GUCY2D: variants seen among roughly 807,000 people sequenced by gnomAD.
GUCY2D encodes the protein retinal guanylyl cyclase 1.
GUCY2D carries 70 observed loss-of-function variants against 101.3 expected under a neutral mutation model. The ratio of observed to expected loss-of-function variants is 0.69; its 90% confidence interval spans 0.57 to 0.84. GUCY2D has a LOEUF of 0.84. Ranked by LOEUF, GUCY2D falls within the 40% of genes least tolerant of loss-of-function variation. The pLI is 0.00. For synonymous variants in GUCY2D, 688 were observed against 670.7 expected, an observed-to-expected ratio of 1.03 and a Z score of -0.40; for missense variants, 1,460 against 1,542.5, an observed-to-expected ratio of 0.95 and a Z score of 0.90.
chr17:8,003,137 C>T lies in GUCY2D; in HGVS notation c.90C>T (p.Pro30=). The T allele has an allele frequency of 6.6e-7, 1 of 1,511,268 alleles. No individual in the cohort carries two copies. Among genetic ancestry groups the T allele is most frequent in the South Asian group, 1.2e-5 (1 of 80,888 alleles). The allele number at this position is 1,511,268 out of a possible 1,614,324, so 93.6% of individuals were successfully genotyped here. Residue 30 remains proline (P), a synonymous_variant, in exon 2 of 20, where the codon CCC becomes CCT. Transcript: ENST00000254854. ...GGGCTCCGTCCCTGCCCCGCCTCCC[C>T]CGGGCCCTGCCCCGGCTCCCGCTCC... The part of the protein sequence containing the change: ...AWWAPSLPRL[P]RALPRLPLLL...
chr17:8,003,329 C>T lies in GUCY2D; in HGVS notation c.282C>T (p.Pro94=), dbSNP rs1975669520. ...LNRDPGLAGG[P]RFEVALLPEP... ...GCGACCCCGGCCTGGCAGGCGGTCC[C>T]CGCTTCGAGGTAGCGCTGCTGCCCG... The change falls in exon 2 of 20, where the codon CCC becomes CCT. Residue 94 remains proline, a synonymous_variant. Transcript: ENST00000254854. 1.3e-6 allele frequency: 2 copies of T among 1,483,028 alleles called. No individual in the cohort carries two copies. The highest frequency in any genetic ancestry group is 1.8e-6 in the Non-Finnish European group (2 of 1,123,674). 91.9% of individuals were successfully genotyped at this position (1,483,028 alleles called of 1,614,324 possible). A position where few individuals can be genotyped will look rare whatever the true frequency, so the allele number is the denominator to read the frequency against.
In GUCY2D at chr17:8,006,353, CCTT is replaced by C. The variant is rs760494327; in HGVS notation, c.1027-7_1027-5del. On this transcript the variant is annotated splice_polypyrimidine_tract_variant and splice_region_variant and intron_variant, in intron 3 of 19. Coordinates refer to ENST00000254854, the MANE Select transcript of GUCY2D (RefSeq NM_000180.4). ...ACCCCGACCTCTGAGCCCCTACTCT[CCTT>C]CTCCAGGTCTCCCCACTCTTTGGCA... The C allele has an allele frequency of 1.9e-6, 3 of 1,596,964 alleles. No individual in the cohort carries two copies. The highest frequency in any genetic ancestry group is 2.5e-6 in the Non-Finnish European group (3 of 1,177,262).
intron 18 of GUCY2D, 32 bp from the exon 19 acceptor site, chr17:8,016,411 C>T (rs1975977299): frequency 1.3e-6 from 2 of 1,510,746 alleles, no homozygotes; most frequent in East Asian, 2.4e-5. Context: ...GCCCCATTCC[C>T]CTTCCCTGAG....
At chr17:8,012,712 A>C in intron 10 of GUCY2D, 106 bp downstream of exon 10, 1 of 890,498 alleles carries the variant, frequency 1.1e-6, no homozygotes, top group Non-Finnish European at 1.8e-6. Context: ...TTCATCCCAC[A>C]TCCACCAGAC....
intron 18 of GUCY2D, 50 bp from the exon 19 acceptor site, chr17:8,016,393 C>G (rs546016309): frequency 7.0e-7 from 1 of 1,430,854 alleles, no homozygotes; most frequent in Admixed American, 2.0e-5. Context: ...TGGGCCCTGC[C>G]CTCCCACGCC....
chr17:8,014,585 T>C lies in GUCY2D; in HGVS notation c.2413-16T>C. On this transcript the variant is annotated splice_polypyrimidine_tract_variant and intron_variant, in intron 12 of 19. Coordinates refer to ENST00000254854, the MANE Select transcript of GUCY2D (RefSeq NM_000180.4). This position sits in a 1 kb window ranked among gnomAD's most constrained non-coding sequence, Gnocchi z 4.0. ...CCAGGTCTTCAGCAGCTTTACCAGC[T>C]TCCTTCTACTGCTAGTTCAAGAACA... 2 of 1,613,848 alleles carry C rather than the reference T, an allele frequency of 1.2e-6. No individual in the cohort carries two copies. Among genetic ancestry groups the C allele is most frequent in the Non-Finnish European group, 1.7e-6 (2 of 1,179,812 alleles).
rs769069042 is a variant in GUCY2D, at chr17:8,014,045, G to A, written c.2412+17G>A. 5 of 1,609,140 alleles carry A rather than the reference G, an allele frequency of 3.1e-6. No homozygotes were observed. The highest frequency in any genetic ancestry group is 4.5e-5 in the East Asian group (2 of 44,876). ...TTCGACCTGGTCAGGGGCTGGGAGT[G>A]GGCAAGGACTGGGCTGGCCTCTGGG... On this transcript the variant is annotated intron_variant, in intron 12 of 19. Coordinates refer to ENST00000254854, the MANE Select transcript of GUCY2D (RefSeq NM_000180.4). This position sits in a 1 kb window ranked among gnomAD's most constrained non-coding sequence, Gnocchi z 4.0.
rs1380266915 is a variant in GUCY2D, at chr17:8,003,461, G to A, written c.414G>A (p.Leu138=). 4 of 1,521,964 alleles carry A rather than the reference G, an allele frequency of 2.6e-6. No homozygotes were observed. Among genetic ancestry groups the A allele is most frequent in the Non-Finnish European group, 2.6e-6 (3 of 1,141,400 alleles). The allele number at this position is 1,521,964 out of a possible 1,614,324, so 94.3% of individuals were successfully genotyped here. Residue 138 remains leucine (L), a synonymous_variant, in exon 2 of 20, where the codon CTG becomes CTA. Transcript: ENST00000254854. The part of the protein sequence containing the change: ...VNPAACRPAE[L]LAEEAGIALV... ...CTGCGGCCTGCCGGCCAGCCGAGCT[G>A]CTCGCCGAAGAAGCCGGGATCGCGC...
chr17:8,015,661 G>T lies in GUCY2D; in HGVS notation c.2945-82G>T. ...TTTGGGGGGCTGGTGGAGATAATGG[G>T]TGCGAAGATCCCCCGAGGCCCTACC... On this transcript the variant is annotated intron_variant, in intron 15 of 19. Transcript: ENST00000254854. 3.3e-6 allele frequency: 4 copies of T among 1,221,376 alleles called. No individual in the cohort carries two copies. In the South Asian group the frequency reaches 5.2e-5, roughly 16 times the overall value. The allele number at this position is 1,221,376 out of a possible 1,614,324, so 75.7% of individuals were successfully genotyped here.
At chr17:8,020,089 C>CTTTTTTTT (rs57273310) in intron 19 of GUCY2D, 39 bp from the exon 20 acceptor site, 12 of 84,318 alleles carry the variant, frequency 1.4e-4, no homozygotes, top group South Asian at 5.0e-4. Flanking sequence ...CACCTGGCGC[C>CTTTTTTTT]TTTTTTTTTT....
In GUCY2D at chr17:8,004,106, C is replaced by A; in HGVS notation, c.976C>A (p.Arg326Ser). ...PSEGSVLDSL[R>S]RAQERRELPS... ...TGAAGGCAGCGTGCTGGACAGCCTG[C>A]GCAGGGCTCAAGAGCGCCGCGAGCT... The change falls in exon 3 of 20, where the codon CGC (arginine) becomes AGC (serine). Residue 326 changes from arginine (R) to serine (S), a missense_variant. Arg to Ser is a moderately radical substitution (Grantham distance 110). Transcript: ENST00000254854. 1.2e-6 allele frequency: 2 copies of A among 1,601,944 alleles called. No individual in the cohort carries two copies. Among genetic ancestry groups the A allele is most frequent in the Non-Finnish European group, 1.7e-6 (2 of 1,179,562 alleles).
In GUCY2D at chr17:8,006,557, G is replaced by A. The variant is rs768284541; in HGVS notation, c.1221G>A (p.Thr407=). The A allele has an allele frequency of 3.1e-6, 5 of 1,613,144 alleles. No homozygotes were observed. Among genetic ancestry groups the A allele is most frequent in the Non-Finnish European group, 4.2e-6 (5 of 1,180,032 alleles). ...AGCCCCCATTCGTGCTGCTAGACACGGACGCGGCGGGAGACCGGCTTTTTG... is the reference window on the plus strand; with the variant it reads ...AGCCCCCATTCGTGCTGCTAGACACAGACGCGGCGGGAGACCGGCTTTTTG... ...DEEPPFVLLD[T]DAAGDRLFAT... Residue 407 remains threonine (T), a synonymous_variant, in exon 4 of 20, where the codon ACG becomes ACA. Transcript: ENST00000254854.
rs759511711 is a variant in GUCY2D, at chr17:8,013,087, C to T, written c.2114-16C>T. ...GTCTTTCCCCAGCGGCGCCTCAGCC[C>T]CTTCCCCATCCCCAGACCAGCTGTG... On this transcript the variant is annotated splice_polypyrimidine_tract_variant and intron_variant, in intron 10 of 19. Transcript: ENST00000254854. The surrounding 1 kb of genome is among the most constrained non-coding windows in gnomAD (Gnocchi z 5.0). 6 of 1,609,300 alleles carry T rather than the reference C, an allele frequency of 3.7e-6. No individual in the cohort carries two copies. The highest frequency in any genetic ancestry group is 2.0e-4 in the Middle Eastern group (1 of 4,884).
chr17:8,003,265 C>G lies in GUCY2D; in HGVS notation c.218C>G (p.Pro73Arg), dbSNP rs750153057. 1.8e-5 allele frequency: 27 copies of G among 1,501,448 alleles called. No individual in the cohort carries two copies. The highest frequency in any genetic ancestry group is 2.4e-5 in the Non-Finnish European group (27 of 1,130,896). 93.0% of individuals were successfully genotyped at this position (1,501,448 alleles called of 1,614,324 possible). Residue 73 changes from proline to arginine, a missense_variant, in exon 2 of 20, where the codon CCG becomes CGG. Pro to Arg is a moderately radical substitution (Grantham distance 103). This residue lies in a region of GUCY2D where 1,196 missense variants were observed against 1,229.6 expected (regional missense o/e 0.97). Transcript: ENST00000254854. Reference sequence around the variant, plus strand: ...GACCCCATCTTCTCTCGGGCTCGCCCGGACCTGGCCGCCCGCCTGGCCGCC... The same window carrying G: ...GACCCCATCTTCTCTCGGGCTCGCCGGGACCTGGCCGCCCGCCTGGCCGCC... Reference protein sequence around the residue: ...ACDPIFSRARPDLAARLAAAR... With the variant: ...ACDPIFSRARRDLAARLAAAR...
intron 17 of GUCY2D, 33 bp downstream of exon 17, chr17:8,016,054 C>G: frequency 6.4e-7 from 1 of 1,550,568 alleles, no homozygotes. Context: ...CCCGGAGGCC[C>G]CGCCCTGTCC....
At position 8,012,523 on chromosome 17, in the gene GUCY2D, G is replaced by A. The variant is rs747391169; in HGVS notation, c.2030G>A (p.Arg677Lys). The change falls in exon 10 of 20, where the codon AGA becomes AAA. Residue 677 changes from arginine (R) to lysine (K), a missense_variant. This residue lies in a region of GUCY2D where 1,196 missense variants were observed against 1,229.6 expected (regional missense o/e 0.97). Transcript: ENST00000254854. The part of the protein sequence containing the change: ...LKSRNCIVDG[R>K]FVLKITDHGH... ...TCACGGAACTGCATAGTGGATGGCA[G>A]ATTCGTACTCAAGATCACTGACCAC... 1 of 1,614,006 alleles carries A rather than the reference G, an allele frequency of 6.2e-7. No individual in the cohort carries two copies. Among genetic ancestry groups the A allele is most frequent in the South Asian group, 1.1e-5 (1 of 91,084 alleles).
rs757525165 is a variant in GUCY2D at position 8,007,535 on chromosome 17, G to T, written c.1566+7G>T. 6.6e-7 allele frequency: 1 copy of T among 1,509,816 alleles called. No individual in the cohort carries two copies. The highest frequency in any genetic ancestry group is 1.1e-5 in the South Asian group (1 of 89,070). The allele number at this position is 1,509,816 out of a possible 1,614,324, so 93.5% of individuals were successfully genotyped here. On this transcript the variant is annotated splice_region_variant and intron_variant, in intron 6 of 19. Transcript: ENST00000254854. ...TGGGGGCACCTCTCGAAAGGTGGGG[G>T]AGGCAGAGAGGCAGGAGCCAGTTGT...
Position 8,003,131 on chromosome 17 carries a change from C to A in GUCY2D, c.84C>A (p.Arg28=). ...GPAWWAPSLP[R]LPRALPRLPL... is the part of the protein sequence containing the mutation. ...CGTGGTGGGCTCCGTCCCTGCCCCGCCTCCCCCGGGCCCTGCCCCGGCTCC... is the reference window on the plus strand; with the variant it reads ...CGTGGTGGGCTCCGTCCCTGCCCCGACTCCCCCGGGCCCTGCCCCGGCTCC... The change falls in exon 2 of 20, where the codon CGC becomes CGA. Residue 28 remains arginine, a synonymous_variant. Transcript: ENST00000254854. 2.6e-6 allele frequency: 4 copies of A among 1,513,448 alleles called. No individual in the cohort carries two copies. The highest frequency in any genetic ancestry group is 3.5e-6 in the Non-Finnish European group (4 of 1,136,538). The allele number at this position is 1,513,448 out of a possible 1,614,324, so 93.8% of individuals were successfully genotyped here. A position where few individuals can be genotyped will look rare whatever the true frequency, so the allele number is the denominator to read the frequency against.
At chr17:8,015,294 A>G in intron 14 of GUCY2D, 34 bp from the exon 15 acceptor site, 2 of 1,594,586 alleles carry the variant, frequency 1.3e-6, no homozygotes, top group Non-Finnish European at 1.7e-6. Context: ...GGGAATGCTC[A>G]AAAGAAAATT....
Sources: allele counts gnomAD v4.1 joint callset, GRCh38; gene constraint gnomAD v4.1.1; regional missense constraint gnomAD v4.1.1; non-coding constraint Gnocchi (gnomAD v3.1); transcripts MANE v1.5; gene names NCBI Gene and HGNC (gene_info 2026-07-23, HGNC 2026-07-21).